GABRG3: variants seen among roughly 807,000 people sequenced by gnomAD.
GABRG3 encodes the protein gamma-aminobutyric acid type A receptor subunit gamma3.
A neutral mutation model predicts 48.8 loss-of-function variants in GABRG3; 25 were observed. The ratio of observed to expected loss-of-function variants is 0.51; its 90% CI spans 0.37 to 0.72. The LOEUF is 0.72. Ranked by LOEUF, GABRG3 falls within the 30% of genes least tolerant of loss-of-function variation. GABRG3 has a pLI of 0.00. For missense variants in GABRG3, 394 were observed against 577.9 expected (o/e 0.68, Z 3.26); for synonymous variants, 227 against 217.6 (o/e 1.04, Z -0.38).
intron 3 of GABRG3, among the ~76,000 whole-genome samples, chr15:27,113,250 AT>A (rs1566938630): frequency 6.6e-6 from 1 of 151,728 alleles, no homozygotes; most frequent in Admixed American, 6.6e-5. Context: ...ATTGTGTATT[AT>A]TTCCCTGTAC....
At position 27,139,805 on chromosome 15, in the gene GABRG3, T is replaced by C. The variant is rs562047301; in HGVS notation, c.270+112984T>C. Among the ~76,000 whole-genome samples, 798 of 152,270 alleles carry C rather than the reference T, an allele frequency of 5.2e-3. 2 individuals carry two copies. Among genetic ancestry groups the C allele is most frequent in the Non-Finnish European group, 8.4e-3 (574 of 68,006 alleles). On this transcript the variant is annotated intron_variant, in intron 3 of 9. Coordinates refer to ENST00000615808, the MANE Select transcript of GABRG3 (RefSeq NM_033223.5). ...CTAGGTAGGTTTAGGATGGGGCCAG[T>C]GACCAGAAAGATCAAGGCAGGATCA... is the stretch of plus-strand genomic sequence containing the variant.
chr15:26,993,988 C>T (rs1011849727), intron 2 of GABRG3, among the ~76,000 whole-genome samples: 1 of 151,822 alleles, frequency 6.6e-6, no homozygotes, highest in Non-Finnish European at 1.5e-5. Context: ...TAGTTTTTGT[C>T]TTGAAATCTG....
chr15:27,460,546 G>A (rs1889418371), intron 5 of GABRG3, among the ~76,000 whole-genome samples: 2 of 152,232 alleles, frequency 1.3e-5, no homozygotes, highest in South Asian at 4.1e-4. Context: ...AGAAGTTACA[G>A]GCAAAACTGC....
chr15:27,501,512 G>T (rs1330542259), intron 6 of GABRG3, among the ~76,000 whole-genome samples: 1 of 152,056 alleles, frequency 6.6e-6, no homozygotes, highest in Non-Finnish European at 1.5e-5. Context: ...GATATAATAA[G>T]TTCCATTCCA....
At chr15:27,523,941 G>T (rs1025166591) in intron 7 of GABRG3, among the ~76,000 whole-genome samples, 9 of 151,948 alleles carry the variant, frequency 5.9e-5, no homozygotes, top group Non-Finnish European at 8.8e-5. Context: ...TCCAGAAAAA[G>T]AGAAATAGAA....
intron 5 of GABRG3, chr15:27,428,401 A>G (rs1351711335): frequency 6.6e-6 from 1 of 152,206 alleles, no homozygotes; most frequent in Non-Finnish European, 1.5e-5. Context: ...TTCATCCTGA[A>G]TGTATTATTT....
At chr15:27,042,034 AT>A (rs752154713) in intron 3 of GABRG3, among the ~76,000 whole-genome samples, 9 of 152,170 alleles carry the variant, frequency 5.9e-5, no homozygotes, top group Admixed American at 3.3e-4. Context: ...GTGTGATTTG[AT>A]TTCTTCAGTG....
chr15:27,121,388 G>T (rs1221841934), intron 3 of GABRG3, among the ~76,000 whole-genome samples: 1 of 152,194 alleles, frequency 6.6e-6, no homozygotes. Context: ...GCCTTAAAGA[G>T]GGGCTCAACT....
intron 3 of GABRG3, among the ~76,000 whole-genome samples, chr15:27,142,242 A>G (rs1157212985): frequency 6.6e-6 from 1 of 152,246 alleles, no homozygotes; most frequent in African/African-American, 2.4e-5. Flanking sequence ...AGAACAATGT[A>G]TTAGTCCGTT....
chr15:27,531,685 C>T (rs115282230), intron 9 of GABRG3, among the ~76,000 whole-genome samples: 1,913 of 152,322 alleles, frequency 0.013, 53 homozygotes, highest in African/African-American at 0.044. Flanking sequence ...AATTTAGAAA[C>T]GTATCCCCTT....
At chr15:27,441,637 T>G (rs1351869011) in intron 5 of GABRG3, among the ~76,000 whole-genome samples, 1 of 152,068 alleles carries the variant, frequency 6.6e-6, no homozygotes, top group African/African-American at 2.4e-5. Flanking sequence ...AATCTTGGGG[T>G]CTTCCAATCT....
chr15:27,448,372 G>A (rs1468990521), intron 5 of GABRG3, among the ~76,000 whole-genome samples: 2 of 152,176 alleles, frequency 1.3e-5, no homozygotes, highest in Non-Finnish European at 2.9e-5. Context: ...GGAAGTAGAA[G>A]ACATGGCATG....
chr15:27,293,927 A>C (rs574412325), intron 3 of GABRG3, among the ~76,000 whole-genome samples: 1 of 152,324 alleles, frequency 6.6e-6, no homozygotes, highest in South Asian at 2.1e-4. Context: ...ATAAAAAGTA[A>C]AGATTATAAA....
intron 5 of GABRG3, among the ~76,000 whole-genome samples, chr15:27,399,977 G>T (rs1333684358): frequency 6.6e-6 from 1 of 152,166 alleles, no homozygotes; most frequent in Non-Finnish European, 1.5e-5. Flanking sequence ...GTCTATGTGG[G>T]TGATCAAAAC....
rs574312402 is a variant in GABRG3, at chr15:27,089,012, C to T, written c.270+62191C>T. On this transcript the variant is annotated intron_variant, in intron 3 of 9. Coordinates refer to ENST00000615808, the MANE Select transcript of GABRG3 (RefSeq NM_033223.5). Reference sequence around the variant, plus strand: ...AGCCTGGGGGTGTCAGGCTGGCTGGCGCCGGGCTCTGGAGCCCTGAGCAGG... The same window carrying T: ...AGCCTGGGGGTGTCAGGCTGGCTGGTGCCGGGCTCTGGAGCCCTGAGCAGG... Among the ~76,000 whole-genome samples, 9 of 152,168 alleles carry T rather than the reference C, an allele frequency of 5.9e-5. No individual in the cohort carries two copies. In the East Asian group the frequency reaches 1.7e-3, roughly 30 times the overall value.
intron 3 of GABRG3, among the ~76,000 whole-genome samples, chr15:27,278,252 A>C (rs1187393621): frequency 1.3e-5 from 2 of 152,054 alleles, no homozygotes; most frequent in African/African-American, 4.8e-5. Context: ...AGGTTTCGCC[A>C]TATTGACCAG....
intron 5 of GABRG3, among the ~76,000 whole-genome samples, chr15:27,349,310 C>T (rs1002809630): frequency 3.3e-5 from 5 of 151,728 alleles, no homozygotes; most frequent in Non-Finnish European, 7.4e-5. Flanking sequence ...ATAAAATATT[C>T]CAGGCTTCTG....
chr15:27,348,426 G>A (rs996637580), intron 5 of GABRG3, among the ~76,000 whole-genome samples: 6 of 152,112 alleles, frequency 3.9e-5, no homozygotes, highest in Admixed American at 6.5e-5. Context: ...TGCTATATTC[G>A]TGTATTGATG....
At chr15:27,176,685 T>TG (rs1483735793) in intron 3 of GABRG3, among the ~76,000 whole-genome samples, 1 of 152,202 alleles carries the variant, frequency 6.6e-6, no homozygotes, top group East Asian at 1.9e-4. Flanking sequence ...ATGAAGGTCC[T>TG]GGGCTTTGTT....
Sources: gnomAD v4.1 joint callset for allele counts (sites outside exome capture counted in the v4.1 genomes callset) on GRCh38, gnomAD v4.1.1 for gene constraint, MANE v1.5 for transcripts, NCBI Gene and HGNC (gene_info 2026-07-23, HGNC 2026-07-21) for gene names.